CLNK: variants seen among roughly 807,000 people sequenced by gnomAD.
The protein encoded by CLNK is cytokine-dependent hematopoietic cell linker.
In CLNK, 74 loss-of-function variants were observed where a neutral mutation model predicts 68.6. The ratio of observed to expected loss-of-function variants is 1.08; its 90% CI spans 0.89 to 1.31. CLNK has a LOEUF of 1.31. Ranked by LOEUF, CLNK falls within the 50% of genes most tolerant of loss-of-function variation. CLNK has a pLI of 0.00. For missense variants in CLNK, 553 were observed against 515.3 expected, an observed-to-expected ratio of 1.07 and a Z score of -0.71; for synonymous variants, 198 against 172.2, an observed-to-expected ratio of 1.15 and a Z score of -1.17.
At chr4:10,593,619 A>G (rs1052351916) in intron 3 of CLNK, among the ~76,000 whole-genome samples, 2 of 152,126 alleles carry the variant, frequency 1.3e-5, no homozygotes, top group Admixed American at 6.5e-5. Flanking sequence ...GCACCACTGC[A>G]CTCCACCCTG....
chr4:10,635,026 A>C (rs1406134726), intron 2 of CLNK, among the ~76,000 whole-genome samples: 1 of 152,122 alleles, frequency 6.6e-6, no homozygotes, highest in Non-Finnish European at 1.5e-5. Context: ...TTCCCCTTTC[A>C]AAAGAGATAA....
chr4:10,513,832 A>AATTATT (rs772040482), intron 15 of CLNK, among the ~76,000 whole-genome samples: 4 of 145,614 alleles, frequency 2.7e-5, no homozygotes, highest in Non-Finnish European at 4.5e-5. Context: ...TTTTTTTTTA[A>AATTATT]ATTATTATTA....
intron 5 of CLNK, among the ~76,000 whole-genome samples, chr4:10,567,845 G>A (rs1484741642): frequency 6.6e-6 from 1 of 152,124 alleles, no homozygotes; most frequent in African/African-American, 2.4e-5. Flanking sequence ...TTAGCCATTA[G>A]GAAAATGCAA....
At chr4:10,734,166 G>C in the CLNK span, among the ~76,000 whole-genome samples, 1 of 152,108 alleles carries the variant, frequency 6.6e-6, no homozygotes, top group African/African-American at 2.4e-5. Flanking sequence ...TTATAATCAA[G>C]TTAGCCAAAA....
At chr4:10,552,870 C>T (rs1420459303) in intron 8 of CLNK, among the ~76,000 whole-genome samples, 1 of 152,186 alleles carries the variant, frequency 6.6e-6, no homozygotes. Context: ...TTTCATCCTG[C>T]ATTATAATCT....
intron 5 of CLNK, among the ~76,000 whole-genome samples, chr4:10,568,159 A>G (rs1242651549): frequency 6.6e-6 from 1 of 152,262 alleles, no homozygotes; most frequent in African/African-American, 2.4e-5. Context: ...TGCATAGGTA[A>G]TAAAGTGTTG....
chr4:10,678,694 C>A (rs1284541633), intron 1 of CLNK, among the ~76,000 whole-genome samples: 2 of 152,116 alleles, frequency 1.3e-5, no homozygotes, highest in Non-Finnish European at 2.9e-5. Context: ...GATACAAAAT[C>A]AATGTGCAAA....
chr4:10,609,458 G>T (rs1159820725), intron 2 of CLNK, among the ~76,000 whole-genome samples: 1 of 152,184 alleles, frequency 6.6e-6, no homozygotes, highest in Non-Finnish European at 1.5e-5. Flanking sequence ...AAATGGATCA[G>T]ACTTTGGTTT....
At chr4:10,630,271 G>A (rs931884145) in intron 2 of CLNK, among the ~76,000 whole-genome samples, 11 of 152,084 alleles carry the variant, frequency 7.2e-5, no homozygotes, top group Non-Finnish European at 1.5e-4. Flanking sequence ...CATGATGATC[G>A]GCAAGTTACT....
At chr4:10,640,558 C>T (rs776184765) in intron 2 of CLNK, among the ~76,000 whole-genome samples, 1 of 152,198 alleles carries the variant, frequency 6.6e-6, no homozygotes, top group African/African-American at 2.4e-5. Flanking sequence ...ATAATTCTTC[C>T]TCTATTGCTA....
rs1638698000 is a variant in CLNK, at chr4:10,486,999, T to G, written c.*3468A>C. 6.6e-6 allele frequency: 1 copy of G among 152,240 alleles called. No homozygotes were observed. The highest frequency in any genetic ancestry group is 1.5e-5 in the Non-Finnish European group (1 of 68,040). 9.4% of individuals were successfully genotyped at this position (152,240 alleles called of 1,614,324 possible). ...TACACAAAGGTGCTAACACAATATA[T>G]GACTAATGATGAGGGCTATGCACAT... On this transcript the variant is annotated 3_prime_UTR_variant, in exon 19 of 19. Coordinates refer to ENST00000226951, the MANE Select transcript of CLNK (RefSeq NM_052964.4).
In CLNK at chr4:10,658,275, A is replaced by T. The variant is rs369973700; in HGVS notation, c.11+9584T>A. 2.0e-5 allele frequency among the ~76,000 whole-genome samples: 3 copies of T among 152,190 alleles called. No homozygotes were observed. The East Asian group carries it at 5.8e-4, about 29-fold the overall frequency. On this transcript the variant is annotated intron_variant, in intron 2 of 18. Transcript: ENST00000226951. ...TTACAATGAATGTTCTTCATGGTGG[A>T]ATATCAGGTCCTATGAATCTTTAAA...
At chr4:10,674,279 A>G (rs1724783393) in intron 1 of CLNK, among the ~76,000 whole-genome samples, 1 of 152,178 alleles carries the variant, frequency 6.6e-6, no homozygotes, top group Non-Finnish European at 1.5e-5. Flanking sequence ...CCAGGAGTCC[A>G]CAAGGAGAGG....
intron 14 of CLNK, among the ~76,000 whole-genome samples, chr4:10,524,306 T>C (rs1473916113): frequency 6.6e-6 from 1 of 152,096 alleles, no homozygotes; most frequent in Non-Finnish European, 1.5e-5. Context: ...TAGGGTATGG[T>C]GATCATGCCC....
chr4:10,580,709 G>C (rs1720745684), intron 4 of CLNK, among the ~76,000 whole-genome samples: 1 of 152,036 alleles, frequency 6.6e-6, no homozygotes, highest in African/African-American at 2.4e-5. Context: ...GTGAGGAAGG[G>C]AAATATTTTT....
chr4:10,540,520 G>T lies in CLNK; in HGVS notation c.576C>A (p.Thr192=), dbSNP rs1198724280. The T allele has an allele frequency of 1.9e-6, 3 of 1,613,244 alleles. No individual in the cohort carries two copies. The highest frequency in any genetic ancestry group is 2.5e-6 in the Non-Finnish European group (3 of 1,179,370). Residue 192 remains threonine (T), a synonymous_variant, in exon 11 of 19, where the codon ACC becomes ACA. Coordinates refer to ENST00000226951, the MANE Select transcript of CLNK (RefSeq NM_052964.4). ...SSRPPLSQRH[T]FPEVQRMPSQ... is the part of the protein sequence containing the mutation. ...TGGGCATTCTCTGGACTTCTGGAAAGGTGTGTCTCTGAGATAAAGGTGGCC... is the reference window on the plus strand; with the variant it reads ...TGGGCATTCTCTGGACTTCTGGAAATGTGTGTCTCTGAGATAAAGGTGGCC...
chr4:10,628,586 A>C (rs960778050), intron 2 of CLNK, among the ~76,000 whole-genome samples: 1 of 152,172 alleles, frequency 6.6e-6, no homozygotes, highest in African/African-American at 2.4e-5. Flanking sequence ...GGGGCCTTGG[A>C]GGCAGAGTTG....
At chr4:10,575,544 C>T (rs1266653017) in intron 4 of CLNK, among the ~76,000 whole-genome samples, 1 of 152,264 alleles carries the variant, frequency 6.6e-6, no homozygotes, top group Non-Finnish European at 1.5e-5. Context: ...CACGTGCACA[C>T]CAGGCCTGTC....
chr4:10,652,324 G>A (rs2108882894), intron 2 of CLNK, among the ~76,000 whole-genome samples: 1 of 141,362 alleles, frequency 7.1e-6, no homozygotes. Context: ...GGAGGTTGCA[G>A]TGAGTGGAGA....
Sources: gnomAD v4.1 joint callset for allele counts (sites outside exome capture counted in the v4.1 genomes callset) on GRCh38, gnomAD v4.1.1 for gene constraint, MANE v1.5 for transcripts, NCBI Gene and HGNC (gene_info 2026-07-23, HGNC 2026-07-21) for gene names.